Variants in PPFIA3 observed in about 807,000 individuals in gnomAD.
The protein encoded by PPFIA3 is PPFI scaffold protein A3, also known as liprin-alpha-3.
A neutral mutation model predicts 145.8 loss-of-function variants in PPFIA3; 26 were observed. The ratio of observed to expected loss-of-function variants is 0.18; its 90% confidence interval spans 0.13 to 0.25. The LOEUF (loss-of-function observed/expected upper bound fraction) is 0.25. PPFIA3 is among the 10% of genes least tolerant of loss of function. PPFIA3 has a pLI of 1.00. For synonymous variants in PPFIA3, 645 were observed against 661.4 expected (o/e 0.98, Z 0.38); for missense variants, 1,008 against 1,587.8 (o/e 0.63, Z 6.21).
intron 1 of PPFIA3, among the ~76,000 whole-genome samples, chr19:49,123,433 C>T (rs2040960939): frequency 6.6e-6 from 1 of 151,878 alleles, no homozygotes; most frequent in African/African-American, 2.4e-5. Context: ...CTGTGCCTGG[C>T]CCTAATTTCA....
Position 49,128,236 on chromosome 19 carries a change from C to T in PPFIA3, c.240+123C>T, listed in dbSNP as rs2041027558. ...CTGGGCGAGGCTTGCCGTTAATGGG[C>T]GGGGCCTGAGTGGCAAGGGACAGCG... On this transcript the variant is annotated intron_variant, in intron 2 of 29. Coordinates refer to ENST00000334186, the MANE Select transcript of PPFIA3 (RefSeq NM_003660.4). This position sits in a 1 kb window ranked among gnomAD's most constrained non-coding sequence, Gnocchi z 4.1. The T allele has an allele frequency of 2.0e-6, 3 of 1,488,932 alleles. No homozygotes were observed. The African/African-American group carries it at 4.1e-5, about 21-fold the overall frequency. 92.2% of individuals were successfully genotyped at this position (1,488,932 alleles called of 1,614,324 possible). A position where few individuals can be genotyped will look rare whatever the true frequency, so the allele number is the denominator to read the frequency against.
chr19:49,149,760 A>G lies in PPFIA3; in HGVS notation c.3526+42A>G, dbSNP rs749489729. On this transcript the variant is annotated intron_variant, in intron 28 of 29. Coordinates refer to ENST00000334186, the MANE Select transcript of PPFIA3 (RefSeq NM_003660.4). This position sits in a 1 kb window ranked among gnomAD's most constrained non-coding sequence, Gnocchi z 5.7. The stretch of plus-strand genomic sequence containing the variant: ...TGCGACAGCCCTTCCTCGCTTCCCT[A>G]GGGTGGGGCATGGACCACCTCAGTA... 1.3e-6 allele frequency: 2 copies of G among 1,566,646 alleles called. No homozygotes were observed. The highest frequency in any genetic ancestry group is 2.4e-5 in the South Asian group (2 of 82,366).
At position 49,127,962 on chromosome 19, in the gene PPFIA3, G is replaced by T; in HGVS notation, c.89G>T (p.Arg30Leu). 1 of 1,595,400 alleles carries T rather than the reference G, an allele frequency of 6.3e-7. No individual in the cohort carries two copies. Reference protein sequence around the residue: ...GPDEAGGELERLMVTMLTERE... With the variant: ...GPDEAGGELELLMVTMLTERE... ...GACGAGGCGGGCGGGGAGCTGGAGC[G>T]CCTCATGGTCACGATGCTCACGGAG... The change falls in exon 2 of 30, where the codon CGC (arginine) becomes CTC (leucine). Residue 30 changes from arginine to leucine, a missense_variant. Arg to Leu is a moderately radical substitution (Grantham distance 102). This residue lies in a region of PPFIA3 where 108 missense variants were observed against 144.3 expected (regional missense o/e 0.75). Coordinates refer to ENST00000334186, the MANE Select transcript of PPFIA3 (RefSeq NM_003660.4).
At position 49,149,135 on chromosome 19, in the gene PPFIA3, C is replaced by T; in HGVS notation, c.3252C>T (p.Ala1084=). 6.2e-7 allele frequency: 1 copy of T among 1,614,166 alleles called. No individual in the cohort carries two copies. The part of the protein sequence containing the change: ...LDETFDYSDL[A]LLLQIPTQNA... The stretch of plus-strand genomic sequence containing the variant: ...AGACCTTCGACTACTCCGACCTGGC[C>T]TTGCTCCTGCAGATCCCCACGCAGA... The change falls in exon 26 of 30, where the codon GCC becomes GCT. Residue 1084 remains alanine, a synonymous_variant. Coordinates refer to ENST00000334186, the MANE Select transcript of PPFIA3 (RefSeq NM_003660.4). The surrounding 1 kb of genome is among the most constrained non-coding windows in gnomAD (Gnocchi z 5.7).
Position 49,150,398 on chromosome 19 carries a change from G to A in PPFIA3, c.*176G>A, listed in dbSNP as rs2122672432. ...GCGCGCCCGCCTCGCACAGGGCCGG[G>A]GCCTGGACCAAACCACATGAACTGG... On this transcript the variant is annotated 3_prime_UTR_variant, in exon 30 of 30. Transcript: ENST00000334186. 1 of 438,648 alleles carries A rather than the reference G, an allele frequency of 2.3e-6. No individual in the cohort carries two copies. Among genetic ancestry groups the A allele is most frequent in the Non-Finnish European group, 4.1e-6 (1 of 242,748 alleles). The allele number at this position is 438,648 out of a possible 1,614,324, so 27.2% of individuals were successfully genotyped here. A position where few individuals can be genotyped will look rare whatever the true frequency, so the allele number is the denominator to read the frequency against.
intron 7 of PPFIA3, 53 bp from the exon 8 acceptor site, chr19:49,132,948 C>G (rs544292405): frequency 1.3e-6 from 2 of 1,575,540 alleles, no homozygotes; most frequent in Non-Finnish European, 1.7e-6. Flanking sequence ...GGGGGTTCCC[C>G]GTCCTCTCCC....
chr19:49,123,051 C>T (rs371237154), intron 1 of PPFIA3, among the ~76,000 whole-genome samples: 40 of 122,430 alleles, frequency 3.3e-4, no homozygotes, highest in African/African-American at 7.6e-4. Flanking sequence ...ATTTTTGAGA[C>T]GGAGTCTCAC....
chr19:49,141,744 A>G (rs549436677), intron 19 of PPFIA3, among the ~76,000 whole-genome samples: 4 of 147,860 alleles, frequency 2.7e-5, no homozygotes, highest in African/African-American at 1.0e-4. Context: ...TAGAGTTTTT[A>G]TTTTTTCTTT....
intron 21 of PPFIA3, among the ~76,000 whole-genome samples, chr19:49,144,442 T>C (rs763461213): frequency 6.6e-6 from 1 of 152,182 alleles, no homozygotes; most frequent in Non-Finnish European, 1.5e-5. Flanking sequence ...GGCCAAGCAC[T>C]GTGGCTCACA....
At chr19:49,131,894 C>T (rs528675484) in intron 7 of PPFIA3, among the ~76,000 whole-genome samples, 111 of 151,898 alleles carry the variant, frequency 7.3e-4, no homozygotes, top group Non-Finnish European at 1.5e-3. Flanking sequence ...CCCGTAGTCC[C>T]AGCTACTCGG....
chr19:49,134,624 C>A lies in PPFIA3; in HGVS notation c.1378-15C>A. ...CCTCAGGCCTCACTCCCTCACTTCA[C>A]CTCTGTCTCCACAGAACTCCCTGAG... On this transcript the variant is annotated splice_polypyrimidine_tract_variant and intron_variant, in intron 11 of 29. Coordinates refer to ENST00000334186, the MANE Select transcript of PPFIA3 (RefSeq NM_003660.4). The A allele has an allele frequency of 6.2e-7, 1 of 1,613,032 alleles. No homozygotes were observed. Among genetic ancestry groups the A allele is most frequent in the South Asian group, 1.1e-5 (1 of 91,040 alleles).
At position 49,138,396 on chromosome 19, in the gene PPFIA3, CT is replaced by C; in HGVS notation, c.2046del (p.Ser683AlafsTer45). On this transcript the variant is annotated frameshift_variant, in exon 16 of 30. Coordinates refer to ENST00000334186, the MANE Select transcript of PPFIA3 (RefSeq NM_003660.4). LOFTEE classifies it high-confidence loss of function. ...SGHSTPRLAP[P>X]SPAREGTDKA... ...CACTCAACACCCCGCCTGGCACCCC[CT>C]AGCCCTGCCCGTGAGGGCACCGACA... 2 of 1,574,174 alleles carry C rather than the reference CT, an allele frequency of 1.3e-6. No homozygotes were observed. The highest frequency in any genetic ancestry group is 1.7e-6 in the Non-Finnish European group (2 of 1,157,916).
Position 49,148,235 on chromosome 19 carries a change from C to G in PPFIA3, c.2988C>G (p.Leu996=), listed in dbSNP as rs2041302147. 1.2e-6 allele frequency: 2 copies of G among 1,613,924 alleles called. No homozygotes were observed. Among genetic ancestry groups the G allele is most frequent in the Non-Finnish European group, 1.7e-6 (2 of 1,179,910 alleles). ...ACAAGAAGGAGCTCCGGGGCCAACT[C>G]AAGATGGTGGACAGCTTTCACAGGT... is the stretch of plus-strand genomic sequence containing the variant. ...HLNKKELRGQ[L]KMVDSFHRVS... Residue 996 remains leucine, a synonymous_variant, in exon 24 of 30, where the codon CTC becomes CTG. Transcript: ENST00000334186.
At chr19:49,127,191 G>T (rs1275055740) in intron 1 of PPFIA3, among the ~76,000 whole-genome samples, 1 of 151,424 alleles carries the variant, frequency 6.6e-6, no homozygotes, top group Non-Finnish European at 1.5e-5. Context: ...AGACCAGCCT[G>T]GCCAACATGG....
chr19:49,121,054 C>G (rs749143083), intron 1 of PPFIA3, among the ~76,000 whole-genome samples: 1 of 152,166 alleles, frequency 6.6e-6, no homozygotes, highest in Non-Finnish European at 1.5e-5. Flanking sequence ...TGTGGCCCTA[C>G]CAAACCCCTG....
In PPFIA3 at chr19:49,134,631, C is replaced by T. The variant is rs1030375957; in HGVS notation, c.1378-8C>T. ...CCTCACTCCCTCACTTCACCTCTGT[C>T]TCCACAGAACTCCCTGAGCGAGGAG... is the stretch of plus-strand genomic sequence containing the variant. On this transcript the variant is annotated splice_polypyrimidine_tract_variant and splice_region_variant and intron_variant, in intron 11 of 29. Coordinates refer to ENST00000334186, the MANE Select transcript of PPFIA3 (RefSeq NM_003660.4). 6.2e-7 allele frequency: 1 copy of T among 1,613,252 alleles called. No individual in the cohort carries two copies. The highest frequency in any genetic ancestry group is 8.5e-7 in the Non-Finnish European group (1 of 1,179,784).
At position 49,141,559 on chromosome 19, in the gene PPFIA3, AGAGT is replaced by A. The variant is rs773122035; in HGVS notation, c.2462+48_2462+51del. 3.3e-4 allele frequency: 486 copies of A among 1,475,246 alleles called. 2 individuals carry two copies. In the East Asian group the frequency reaches 6.7e-3, roughly 20 times the overall value. 91.4% of individuals were successfully genotyped at this position (1,475,246 alleles called of 1,614,324 possible). On this transcript the variant is annotated intron_variant, in intron 19 of 29. Coordinates refer to ENST00000334186, the MANE Select transcript of PPFIA3 (RefSeq NM_003660.4). ...GCGTGTGTGTGTGTATGTGAATGTG[AGAGT>A]GTGTGAGGGTGTGTGTGTGCGTGTA... is the stretch of plus-strand genomic sequence containing the variant.
In PPFIA3 at chr19:49,149,407, A is replaced by G; in HGVS notation, c.3354+82A>G. ...GCTGAGGGGGCGGGGCCTGACTATT[A>G]ATGGTCACGGTTGGAGGCGGGGCCA... On this transcript the variant is annotated intron_variant, in intron 27 of 29. Transcript: ENST00000334186. The surrounding 1 kb of genome is among the most constrained non-coding windows in gnomAD (Gnocchi z 5.7). 3 of 1,590,038 alleles carry G rather than the reference A, an allele frequency of 1.9e-6. No homozygotes were observed. Among genetic ancestry groups the G allele is most frequent in the Admixed American group, 1.7e-5 (1 of 59,824 alleles).
At chr19:49,146,982 T>C (rs1195734392) in intron 23 of PPFIA3, among the ~76,000 whole-genome samples, 2 of 152,154 alleles carry the variant, frequency 1.3e-5, no homozygotes, top group Non-Finnish European at 2.9e-5. Flanking sequence ...ATGAACTCAC[T>C]GTCCACGGAG....
Sources: gnomAD v4.1 joint callset for allele counts (sites outside exome capture counted in the v4.1 genomes callset) on GRCh38, gnomAD v4.1.1 for gene constraint, gnomAD v4.1.1 regional missense constraint, Gnocchi (gnomAD v3.1) non-coding constraint, MANE v1.5 for transcripts, NCBI Gene and HGNC (gene_info 2026-07-23, HGNC 2026-07-21) for gene names.